The following ALDH18A1 variants were observed in gnomAD, a reference collection of about 807,000 sequenced individuals.
ALDH18A1 encodes the protein aldehyde dehydrogenase 18 family member A1.
ALDH18A1 carries 44 observed loss-of-function variants against 88.8 expected under a neutral mutation model. The ratio of observed to expected loss-of-function variants is 0.50; its 90% confidence interval spans 0.39 to 0.64. ALDH18A1 has a LOEUF of 0.64. ALDH18A1 is among the 30% of genes least tolerant of loss of function. The pLI is 0.00. For missense variants in ALDH18A1, 782 were observed against 1,009.5 expected, an observed-to-expected ratio of 0.77 and a Z score of 3.05; for synonymous variants, 331 against 372.1, an observed-to-expected ratio of 0.89 and a Z score of 1.27.
intron 12 of ALDH18A1, among the ~76,000 whole-genome samples, chr10:95,618,693 AC>A (rs1374914305): frequency 2.6e-5 from 4 of 152,228 alleles, no homozygotes; most frequent in Non-Finnish European, 4.4e-5. Flanking sequence ...CATCAGTGAT[AC>A]TGACAATAAA....
chr10:95,652,456 G>A (rs1004156727), intron 2 of ALDH18A1, among the ~76,000 whole-genome samples: 10 of 152,246 alleles, frequency 6.6e-5, no homozygotes, highest in Admixed American at 5.9e-4. Context: ...ATGGGGCCGG[G>A]CACAGTGGCT....
Position 95,633,064 on chromosome 10 carries a change from A to C in ALDH18A1, c.718-15T>G, listed in dbSNP as rs572830856. 1.9e-6 allele frequency: 3 copies of C among 1,606,206 alleles called. No homozygotes were observed. The South Asian group carries it at 3.3e-5, about 18-fold the overall frequency. Reference sequence around the variant, plus strand: ...ACACTAATAACCTAGAATGCAGATTAAAAAGTCATAAGTGAGTGAGCTAAG... The same window carrying C: ...ACACTAATAACCTAGAATGCAGATTCAAAAGTCATAAGTGAGTGAGCTAAG... On this transcript the variant is annotated splice_polypyrimidine_tract_variant and intron_variant, in intron 6 of 17. Coordinates refer to ENST00000371224, the MANE Select transcript of ALDH18A1 (RefSeq NM_002860.4).
chr10:95,633,092 G>T, intron 6 of ALDH18A1, 43 bp from the exon 7 acceptor site: 1 of 1,543,210 alleles, frequency 6.5e-7, no homozygotes, highest in Non-Finnish European at 9.0e-7. Context: ...GAGCTAAGCA[G>T]TCCAAAAAGA....
intron 1 of ALDH18A1, 148 bp downstream of exon 1, chr10:95,656,449 T>C (rs574848827): frequency 6.6e-6 from 1 of 152,276 alleles, no homozygotes; most frequent in South Asian, 2.1e-4. Context: ...CACCTACCCA[T>C]GGGCCAGATC....
At chr10:95,614,403 T>C (rs2097841071) in intron 13 of ALDH18A1, among the ~76,000 whole-genome samples, 1 of 152,228 alleles carries the variant, frequency 6.6e-6, no homozygotes, top group South Asian at 2.1e-4. Context: ...CGCAGGACAC[T>C]GCATGCCGTC....
intron 12 of ALDH18A1, among the ~76,000 whole-genome samples, chr10:95,619,547 GCTACAGTAA>G (rs1187175890): frequency 2.3e-4 from 35 of 152,248 alleles, no homozygotes; most frequent in African/African-American, 8.2e-4. Context: ...ACACTACAAG[GCTACAGTAA>G]CCAAAACAGC....
intron 5 of ALDH18A1, among the ~76,000 whole-genome samples, chr10:95,636,802 A>C (rs1390040465): frequency 6.6e-6 from 1 of 152,252 alleles, no homozygotes; most frequent in Non-Finnish European, 1.5e-5. Flanking sequence ...TTATTAGTGT[A>C]ACAAGAACTG....
chr10:95,639,781 T>C (rs1018761450), intron 3 of ALDH18A1, among the ~76,000 whole-genome samples: 3 of 152,182 alleles, frequency 2.0e-5, no homozygotes, highest in Non-Finnish European at 4.4e-5. Flanking sequence ...CCCTTCTCCA[T>C]CAGTTTTCCC....
At chr10:95,615,091 G>A (rs915402027) in intron 13 of ALDH18A1, among the ~76,000 whole-genome samples, 2 of 152,152 alleles carry the variant, frequency 1.3e-5, no homozygotes, top group South Asian at 4.1e-4. Context: ...GGGAGGCTGA[G>A]GCAGGCAGAT....
chr10:95,614,823 T>C (rs1341241537), intron 13 of ALDH18A1, among the ~76,000 whole-genome samples: 1 of 152,186 alleles, frequency 6.6e-6, no homozygotes, highest in Non-Finnish European at 1.5e-5. Flanking sequence ...AGCAACTTTA[T>C]TCCACATAGC....
intron 2 of ALDH18A1, 125 bp downstream of exon 2, chr10:95,653,165 G>A: frequency 1.1e-6 from 1 of 931,138 alleles, no homozygotes; most frequent in Non-Finnish European, 1.7e-6. Flanking sequence ...TCCAGCCTGT[G>A]TGACAAAATG....
At chr10:95,625,981 A>G (rs1373946261) in intron 10 of ALDH18A1, among the ~76,000 whole-genome samples, 2 of 152,138 alleles carry the variant, frequency 1.3e-5, no homozygotes, top group African/African-American at 2.4e-5. Flanking sequence ...GAAAAAATTC[A>G]GTCCTAGGTA....
rs117170096 is a variant in ALDH18A1 at position 95,625,684 on chromosome 10, T to A, written c.1153-229A>T. On this transcript the variant is annotated intron_variant, in intron 10 of 17. Transcript: ENST00000371224. ...TAGGTCACTTCTTACTTTTCCTCCTTTTTTTTTCTTATGACTCCTGATTAT... is the reference window on the plus strand; with the variant it reads ...TAGGTCACTTCTTACTTTTCCTCCTATTTTTTTCTTATGACTCCTGATTAT... Among the ~76,000 whole-genome samples, 1,445 of 151,574 alleles carry A rather than the reference T, an allele frequency of 9.5e-3. 12 individuals carry two copies. The highest frequency in any genetic ancestry group is 0.016 in the Non-Finnish European group (1,081 of 67,874).
chr10:95,624,763 C>A (rs942355180), intron 11 of ALDH18A1, among the ~76,000 whole-genome samples: 9 of 152,192 alleles, frequency 5.9e-5, no homozygotes, highest in African/African-American at 1.9e-4. Context: ...TCAGGGAAGA[C>A]AAAAGACTGG....
chr10:95,641,701 T>C (rs2097891989), intron 3 of ALDH18A1, among the ~76,000 whole-genome samples: 1 of 152,104 alleles, frequency 6.6e-6, no homozygotes, highest in Admixed American at 6.6e-5. Context: ...TGCAGTCGCA[T>C]GATCATAGCT....
intron 7 of ALDH18A1, chr10:95,628,761 T>C (rs2097863949): frequency 2.2e-6 from 1 of 444,788 alleles, no homozygotes; most frequent in African/African-American, 2.0e-5. Context: ...GCACAACATT[T>C]ATTAGCCCTG....
intron 13 of ALDH18A1, among the ~76,000 whole-genome samples, chr10:95,614,699 G>A (rs987724195): frequency 6.6e-6 from 1 of 152,148 alleles, no homozygotes; most frequent in Non-Finnish European, 1.5e-5. Flanking sequence ...GACTTAAAGA[G>A]CCTGTGAGAG....
At chr10:95,616,349 G>T in intron 13 of ALDH18A1, 128 bp downstream of exon 13, 1 of 1,324,348 alleles carries the variant, frequency 7.6e-7, no homozygotes, top group Non-Finnish European at 1.0e-6. Flanking sequence ...AAGGCTCACA[G>T]GCCTGCTGGA....
At chr10:95,650,254 C>T (rs1473592825) in intron 2 of ALDH18A1, among the ~76,000 whole-genome samples, 2 of 152,122 alleles carry the variant, frequency 1.3e-5, no homozygotes, top group African/African-American at 4.8e-5. Context: ...AAAAACTTTT[C>T]CTATATGAAA....
Sources: allele counts gnomAD v4.1 joint callset (sites outside exome capture counted in the v4.1 genomes callset), GRCh38; gene constraint gnomAD v4.1.1; transcripts MANE v1.5; gene names NCBI Gene and HGNC (gene_info 2026-07-23, HGNC 2026-07-21).